UVSSA: variants seen among roughly 807,000 people sequenced by gnomAD.
UVSSA encodes UV-stimulated scaffold protein A.
UVSSA carries 72 observed loss-of-function variants against 73.9 expected under a neutral mutation model. The observed-to-expected ratio is 0.97, with a 90% CI of 0.81 to 1.19. UVSSA has a LOEUF of 1.19. UVSSA is among the 50% of genes most tolerant of loss of function. The pLI, the probability that UVSSA is intolerant of heterozygous loss-of-function variation, is 0.00. For synonymous variants in UVSSA, 454 were observed against 391.3 expected, an observed-to-expected ratio of 1.16 and a Z score of -1.89; for missense variants, 1,150 against 965.0, an observed-to-expected ratio of 1.19 and a Z score of -2.54.
rs773182850 is a variant in UVSSA at position 1,353,260 on chromosome 4, G to T, written c.781G>T (p.Ala261Ser). The change falls in exon 5 of 14, where the codon GCA becomes TCA. Residue 261 changes from alanine to serine, a missense_variant. Physicochemically the swap from Ala to Ser is moderately conservative, Grantham distance 99. Transcript: ENST00000389851. ...CTGCAGTAGAGACCTGCCTGCCTCT[G>T]CAGGCCACCCCAGAGCGGGCGGCGG... ...PCCSRDLPASAGHPRAGGGAQ... is the reference protein window; with the variant it reads ...PCCSRDLPASSGHPRAGGGAQ... 1.9e-6 allele frequency: 3 copies of T among 1,611,506 alleles called. No homozygotes were observed. The highest frequency in any genetic ancestry group is 2.5e-6 in the Non-Finnish European group (3 of 1,179,828).
In UVSSA at chr4:1,375,348, C is replaced by T; in HGVS notation, c.1289-16C>T. The T allele has an allele frequency of 6.2e-7, 1 of 1,612,180 alleles. No individual in the cohort carries two copies. Among genetic ancestry groups the T allele is most frequent in the Non-Finnish European group, 8.5e-7 (1 of 1,179,232 alleles). ...TGTGGGAGTGGTGGCAGGGAGTGGA[C>T]ACGTGTCTGTTTCAGGGCTGGAGGC... On this transcript the variant is annotated splice_polypyrimidine_tract_variant and intron_variant, in intron 8 of 13. Coordinates refer to ENST00000389851, the MANE Select transcript of UVSSA (RefSeq NM_020894.4).
intron 3 of UVSSA, 116 bp downstream of exon 3, chr4:1,349,970 C>A: frequency 9.6e-7 from 1 of 1,039,638 alleles, no homozygotes; most frequent in Non-Finnish European, 1.3e-6. Context: ...GCCTGCTTGG[C>A]CTTGCCTGAA....
chr4:1,344,792 T>C (rs560524620), upstream of UVSSA, among the ~76,000 whole-genome samples: 1 of 152,296 alleles, frequency 6.6e-6, no homozygotes, highest in South Asian at 2.1e-4. Context: ...ACGGCAGGTT[T>C]AGAAAACGGA....
rs747109076 is a variant in UVSSA at position 1,349,695 on chromosome 4, G to A, written c.270G>A (p.Thr90=). The A allele has an allele frequency of 1.9e-5, 30 of 1,613,844 alleles. No individual in the cohort carries two copies. The Admixed American group carries it at 2.3e-4, about 13-fold the overall frequency. ...VSNFQEFLEL[T]LGTDPAQPLP... is the part of the protein sequence containing the mutation. The stretch of plus-strand genomic sequence containing the variant: ...ACTTCCAGGAGTTCCTGGAGCTCAC[G>A]CTGGGCACAGACCCCGCACAGCCTC... The change falls in exon 3 of 14, where the codon ACG becomes ACA. Residue 90 remains threonine, a synonymous_variant. Transcript: ENST00000389851.
At chr4:1,352,453 G>GGAAA (rs1714927546) in intron 4 of UVSSA, among the ~76,000 whole-genome samples, 2 of 152,368 alleles carry the variant, frequency 1.3e-5, no homozygotes, top group South Asian at 4.1e-4. Context: ...ACAATGAGGA[G>GGAAA]GCTGCCAGGA....
chr4:1,374,650 G>A (rs1253892166), intron 8 of UVSSA, among the ~76,000 whole-genome samples: 2 of 152,198 alleles, frequency 1.3e-5, no homozygotes, highest in Non-Finnish European at 2.9e-5. Flanking sequence ...ACTCCGGGAC[G>A]GCATCTTGGT....
intron 6 of UVSSA, 106 bp downstream of exon 6, chr4:1,354,953 C>T: frequency 6.5e-7 from 1 of 1,535,310 alleles, no homozygotes; most frequent in Non-Finnish European, 8.8e-7. Flanking sequence ...CTGAATGGCC[C>T]TTAACCCGCG....
intron 2 of UVSSA, 63 bp downstream of exon 2, chr4:1,348,252 C>A: frequency 7.5e-7 from 1 of 1,335,104 alleles, no homozygotes; most frequent in Non-Finnish European, 1.1e-6. Flanking sequence ...ACACACAGGG[C>A]CCTGCCCTCC....
chr4:1,379,020 C>A (rs1453122399), intron 10 of UVSSA, among the ~76,000 whole-genome samples: 1 of 150,840 alleles, frequency 6.6e-6, no homozygotes, highest in Non-Finnish European at 1.5e-5. Flanking sequence ...CTGGTCCCTT[C>A]TCCCTAGCGT....
At chr4:1,367,275 C>T (rs1328960626) in intron 8 of UVSSA, among the ~76,000 whole-genome samples, 2 of 152,198 alleles carry the variant, frequency 1.3e-5, no homozygotes, top group Non-Finnish European at 2.9e-5. Context: ...GGCGTGGACC[C>T]AGGTGGGTCT....
intron 7 of UVSSA, among the ~76,000 whole-genome samples, chr4:1,364,405 C>T (rs955140540): frequency 6.6e-6 from 1 of 152,214 alleles, no homozygotes; most frequent in Non-Finnish European, 1.5e-5. Context: ...GGCTTGGAGC[C>T]GCAGTCCCCT....
rs1451866947 is a variant in UVSSA at position 1,348,307 on chromosome 4, A to G, written c.98+118A>G. 156 of 770,276 alleles carry G rather than the reference A, an allele frequency of 2.0e-4. 1 individual carries two copies. The East Asian group carries it at 4.0e-3, about 20-fold the overall frequency. The allele number at this position is 770,276 out of a possible 1,614,324, so 47.7% of individuals were successfully genotyped here. On this transcript the variant is annotated intron_variant, in intron 2 of 13. Transcript: ENST00000389851. ...ACCACCCGAGGGACACACCCAGGAC[A>G]TTTTCTCGGGGCCCTGCAGTACCCG...
At chr4:1,388,182 A>G (rs1355950604), downstream of UVSSA, 3 of 152,236 alleles carry the variant, frequency 2.0e-5, no homozygotes, top group Admixed American at 6.5e-5. Flanking sequence ...ATTTATAACC[A>G]AAAGGACTAT....
chr4:1,391,253 G>A (rs1720407470), downstream of UVSSA: 3 of 152,684 alleles, frequency 2.0e-5, no homozygotes, highest in Admixed American at 2.0e-4. Context: ...TTGTATAGAT[G>A]CCTGTTGGGT....
At chr4:1,375,972 G>T in intron 9 of UVSSA, 62 bp from the exon 10 acceptor site, 5 of 1,551,578 alleles carry the variant, frequency 3.2e-6, no homozygotes, top group Non-Finnish European at 4.3e-6. Context: ...TGGGGAGGGA[G>T]AGGAGGGTGG....
intron 8 of UVSSA, among the ~76,000 whole-genome samples, chr4:1,367,498 C>T (rs1717489931): frequency 6.6e-6 from 1 of 152,224 alleles, no homozygotes; most frequent in African/African-American, 2.4e-5. Context: ...TTAGCACAGC[C>T]AGGCTTCTAA....
chr4:1,354,730 C>G lies in UVSSA; in HGVS notation c.935-5C>G. On this transcript the variant is annotated splice_region_variant and splice_polypyrimidine_tract_variant and intron_variant, in intron 5 of 13. Transcript: ENST00000389851. ...CTCTTGTGACCTCTGTGTGCTTCTCCCCAGAGGGCCTGAAGGTGCAGGAGA... is the reference window on the plus strand; with the variant it reads ...CTCTTGTGACCTCTGTGTGCTTCTCGCCAGAGGGCCTGAAGGTGCAGGAGA... The G allele has an allele frequency of 6.2e-7, 1 of 1,612,660 alleles. No homozygotes were observed. The highest frequency in any genetic ancestry group is 1.1e-5 in the South Asian group (1 of 90,950).
downstream of UVSSA, chr4:1,392,283 G>A (rs1330381876): frequency 1.3e-5 from 2 of 152,340 alleles, no homozygotes; most frequent in Admixed American, 6.5e-5. Context: ...CAGCAGTCTT[G>A]TAATTATTGC....
upstream of UVSSA, among the ~76,000 whole-genome samples, chr4:1,345,396 G>A (rs183011168): frequency 2.2e-3 from 328 of 152,256 alleles, 1 homozygote; most frequent in South Asian, 5.0e-3. Flanking sequence ...TGTAATCCCA[G>A]CACTTTGGGA....
Sources: gnomAD v4.1 joint callset for allele counts (sites outside exome capture counted in the v4.1 genomes callset) on GRCh38, gnomAD v4.1.1 for gene constraint, MANE v1.5 for transcripts, NCBI Gene and HGNC (gene_info 2026-07-23, HGNC 2026-07-21) for gene names.